Variants in CAP2 observed in about 807,000 individuals in gnomAD.
CAP2 encodes the protein cyclase associated actin cytoskeleton regulatory protein 2.
A neutral mutation model predicts 57.7 loss-of-function variants in CAP2; 24 were observed. The observed-to-expected ratio is 0.42, with a 90% confidence interval of 0.30 to 0.58. The LOEUF is 0.58. Among genes scored for constraint, CAP2 ranks in the 20% least tolerant of loss-of-function variants. The probability of loss-of-function intolerance (pLI) is 0.22; values close to 1 mark genes in which losing one functional copy is unlikely to be tolerated. For missense variants in CAP2, 501 were observed against 590.3 expected (o/e 0.85, Z 1.57); for synonymous variants, 194 against 207.2 (o/e 0.94, Z 0.55).
At chr6:17,447,625 C>T (rs1037916700) in intron 3 of CAP2, among the ~76,000 whole-genome samples, 8 of 152,280 alleles carry the variant, frequency 5.3e-5, no homozygotes, top group South Asian at 2.1e-4. Context: ...CAGCCTCCGG[C>T]GTAGCTGGGA....
intron 1 of CAP2, among the ~76,000 whole-genome samples, chr6:17,413,374 T>C (rs920779488): frequency 6.6e-6 from 1 of 152,104 alleles, no homozygotes; most frequent in Non-Finnish European, 1.5e-5. Context: ...AAATGCTCTA[T>C]AGGAGAGTAA....
At chr6:17,499,083 T>A (rs1366510868) in intron 4 of CAP2, among the ~76,000 whole-genome samples, 16 of 151,726 alleles carry the variant, frequency 1.1e-4, no homozygotes, top group Non-Finnish European at 1.5e-5. Flanking sequence ...CCAATGAGAT[T>A]GTTGAAAGAT....
intron 3 of CAP2, among the ~76,000 whole-genome samples, chr6:17,428,680 C>T (rs982140718): frequency 4.0e-5 from 6 of 150,558 alleles, no homozygotes; most frequent in Non-Finnish European, 7.4e-5. Flanking sequence ...TGCTAGATGA[C>T]GAGTTAGTGG....
chr6:17,514,949 G>A (rs1234096340), intron 7 of CAP2, among the ~76,000 whole-genome samples: 2 of 152,036 alleles, frequency 1.3e-5, no homozygotes, highest in Admixed American at 1.3e-4. Context: ...TGTAATCCTA[G>A]CACTTTGGGA....
chr6:17,523,840 T>C (rs1192651436), intron 7 of CAP2, among the ~76,000 whole-genome samples: 1 of 151,994 alleles, frequency 6.6e-6, no homozygotes, highest in Admixed American at 6.6e-5. Context: ...CTTTGGGAGG[T>C]TGAGGCGGTT....
At chr6:17,551,013 T>C (rs1274801071) in intron 11 of CAP2, among the ~76,000 whole-genome samples, 1 of 152,226 alleles carries the variant, frequency 6.6e-6, no homozygotes, top group Non-Finnish European at 1.5e-5. Flanking sequence ...CAAGAATAGT[T>C]TTACTTGTAA....
At chr6:17,405,512 C>G (rs1758938974) in intron 1 of CAP2, among the ~76,000 whole-genome samples, 1 of 151,322 alleles carries the variant, frequency 6.6e-6, no homozygotes, top group South Asian at 2.1e-4. Context: ...CTCTCTCTCT[C>G]TCTCTCTCTC....
intron 7 of CAP2, chr6:17,531,530 A>G: frequency 6.5e-7 from 1 of 1,534,956 alleles, no homozygotes; most frequent in East Asian, 2.2e-5. Flanking sequence ...CTTTTGGACA[A>G]ACTTCTTTCT....
intron 3 of CAP2, among the ~76,000 whole-genome samples, chr6:17,429,207 C>T (rs1759665955): frequency 6.6e-6 from 1 of 152,150 alleles, no homozygotes; most frequent in African/African-American, 2.4e-5. Context: ...AACTCCTGAA[C>T]GCTAACATAC....
At chr6:17,503,666 C>A (rs1282542442) in intron 4 of CAP2, among the ~76,000 whole-genome samples, 1 of 150,796 alleles carries the variant, frequency 6.6e-6, no homozygotes, top group East Asian at 2.0e-4. Flanking sequence ...CTAATGACCT[C>A]ATTTTAATTT....
intron 1 of CAP2, among the ~76,000 whole-genome samples, chr6:17,410,058 G>A (rs1048810492): frequency 5.9e-5 from 9 of 152,166 alleles, no homozygotes; most frequent in African/African-American, 2.2e-4. Context: ...TTTGCATATG[G>A]AGGCATAGGC....
chr6:17,501,601 C>T (rs1193451202), intron 4 of CAP2, among the ~76,000 whole-genome samples: 1 of 152,156 alleles, frequency 6.6e-6, no homozygotes, highest in African/African-American at 2.4e-5. Context: ...GGTCAAACTC[C>T]CAGAGTTTGT....
At chr6:17,397,471 C>A (rs1208904129) in intron 1 of CAP2, among the ~76,000 whole-genome samples, 1 of 151,684 alleles carries the variant, frequency 6.6e-6, no homozygotes, top group Non-Finnish European at 1.5e-5. Context: ...GAGGCGGGCG[C>A]ATCACGAGGT....
At chr6:17,552,316 G>A (rs377325693) in intron 12 of CAP2, among the ~76,000 whole-genome samples, 2 of 152,176 alleles carry the variant, frequency 1.3e-5, no homozygotes, top group South Asian at 2.1e-4. Context: ...TTCATGAAGT[G>A]TGATGGATCT....
chr6:17,423,952 C>T (rs1272722491), intron 2 of CAP2, among the ~76,000 whole-genome samples: 1 of 152,120 alleles, frequency 6.6e-6, no homozygotes, highest in Non-Finnish European at 1.5e-5. Flanking sequence ...TAAACAACAC[C>T]ATTTCCATTT....
intron 4 of CAP2, among the ~76,000 whole-genome samples, chr6:17,482,389 G>T (rs1429558304): frequency 1.3e-5 from 2 of 151,900 alleles, no homozygotes; most frequent in African/African-American, 2.4e-5. Context: ...TGCGCCTGTA[G>T]TCCCAGCTAC....
At chr6:17,427,619 A>T (rs1759626734) in intron 3 of CAP2, among the ~76,000 whole-genome samples, 1 of 152,084 alleles carries the variant, frequency 6.6e-6, no homozygotes, top group Non-Finnish European at 1.5e-5. Context: ...AAAAAAAAAA[A>T]AAAATGGAAC....
intron 3 of CAP2, among the ~76,000 whole-genome samples, chr6:17,440,021 T>C (rs9350045): frequency 0.65 from 97,753 of 151,384 alleles, 33,369 homozygotes; most frequent in East Asian, 0.86. Flanking sequence ...TTGTCTTTGC[T>C]TTTTTATTTA....
chr6:17,463,324 G>T (rs1339623632), intron 4 of CAP2, among the ~76,000 whole-genome samples: 1 of 150,308 alleles, frequency 6.7e-6, no homozygotes, highest in Admixed American at 6.6e-5. Flanking sequence ...AAAAAGCAAT[G>T]TGTCTTCTTA....
Sources: allele counts gnomAD v4.1 joint callset (sites outside exome capture counted in the v4.1 genomes callset), GRCh38; gene constraint gnomAD v4.1.1; transcripts MANE v1.5; gene names NCBI Gene and HGNC (gene_info 2026-07-23, HGNC 2026-07-21).